The following MGMT variants were observed in gnomAD, a reference collection of about 807,000 sequenced individuals.
The protein encoded by MGMT is O-6-methylguanine-DNA methyltransferase.
Under a neutral mutation model 15.9 loss-of-function variants are expected in MGMT, and 14 were observed. The ratio of observed to expected loss-of-function variants is 0.88; its 90% CI spans 0.58 to 1.37. The LOEUF (loss-of-function observed/expected upper bound fraction) is 1.37. MGMT is among the 40% of genes most tolerant of loss of function. MGMT has a pLI of 0.00. For missense variants in MGMT, 282 were observed against 268.1 expected (o/e 1.05, Z -0.36); for synonymous variants, 130 against 118.2 (o/e 1.10, Z -0.65).
chr10:129,507,644 G>A (rs1845639441), intron 1 of MGMT, among the ~76,000 whole-genome samples: 1 of 152,224 alleles, frequency 6.6e-6, no homozygotes, highest in Non-Finnish European at 1.5e-5. Context: ...GGATTTATGA[G>A]CTGAGCTGTG....
intron 1 of MGMT, among the ~76,000 whole-genome samples, chr10:129,488,487 A>G (rs1017045419): frequency 9.9e-5 from 15 of 152,054 alleles, no homozygotes; most frequent in South Asian, 2.1e-4. Flanking sequence ...ATGTGCTGCA[A>G]TTGTCTTCTC....
At chr10:129,757,187 CAATG>C (rs1478185967) in intron 3 of MGMT, among the ~76,000 whole-genome samples, 12 of 152,164 alleles carry the variant, frequency 7.9e-5, no homozygotes, top group Non-Finnish European at 1.6e-4. Flanking sequence ...GAGAAACTGA[CAATG>C]AAGCTGAACA....
At chr10:129,730,274 G>T (rs1589963056) in intron 3 of MGMT, among the ~76,000 whole-genome samples, 1 of 152,156 alleles carries the variant, frequency 6.6e-6, no homozygotes. Context: ...CCAACAAATG[G>T]AAGACGTGAA....
intron 1 of MGMT, among the ~76,000 whole-genome samples, chr10:129,521,268 G>C (rs766312170): frequency 6.6e-6 from 1 of 152,114 alleles, no homozygotes; most frequent in East Asian, 1.9e-4. Flanking sequence ...GGCTGGACAC[G>C]GGATTTCAAT....
intron 2 of MGMT, among the ~76,000 whole-genome samples, chr10:129,680,132 A>G (rs904500782): frequency 5.3e-5 from 8 of 152,198 alleles, no homozygotes; most frequent in African/African-American, 1.7e-4. Context: ...TCGATTTGTG[A>G]CAGCGATCAC....
At chr10:129,545,069 C>G (rs7084865) in intron 2 of MGMT, among the ~76,000 whole-genome samples, 13,738 of 152,174 alleles carry the variant, frequency 0.09, 825 homozygotes, top group East Asian at 0.31. Flanking sequence ...TCCTTGGGAC[C>G]CCTCTGTGAA....
chr10:129,648,682 C>A (rs530347653), intron 2 of MGMT, among the ~76,000 whole-genome samples: 1 of 151,950 alleles, frequency 6.6e-6, no homozygotes, highest in South Asian at 2.1e-4. Flanking sequence ...CTTTTTTCTT[C>A]TTGCAGTGTT....
At chr10:129,634,424 AT>A (rs1255651279) in intron 2 of MGMT, among the ~76,000 whole-genome samples, 2 of 152,066 alleles carry the variant, frequency 1.3e-5, no homozygotes, top group East Asian at 1.9e-4. Context: ...CTTCAAATAT[AT>A]TTTTTTCCTT....
chr10:129,579,768 G>T (rs750192927), intron 2 of MGMT, among the ~76,000 whole-genome samples: 7 of 152,216 alleles, frequency 4.6e-5, no homozygotes, highest in Non-Finnish European at 1.0e-4. Context: ...TTGAGGTTAT[G>T]AGCTTTGGAG....
chr10:129,646,880 A>G (rs12265758), intron 2 of MGMT, among the ~76,000 whole-genome samples: 73,188 of 149,482 alleles, frequency 0.49, 19,610 homozygotes, highest in African/African-American at 0.7. Flanking sequence ...GGTGAAGGAC[A>G]GGCGTGGCAG....
intron 2 of MGMT, among the ~76,000 whole-genome samples, chr10:129,599,310 G>A (rs1846789832): frequency 6.6e-6 from 1 of 152,176 alleles, no homozygotes; most frequent in African/African-American, 2.4e-5. Context: ...AAAACCTTGA[G>A]GCCACATTCA....
intron 1 of MGMT, among the ~76,000 whole-genome samples, chr10:129,519,890 A>C (rs1845784547): frequency 6.6e-6 from 1 of 152,166 alleles, no homozygotes; most frequent in Non-Finnish European, 1.5e-5. Context: ...ACCATGACTT[A>C]GAAAATTCCA....
chr10:129,695,127 AT>A lies in MGMT; in HGVS notation c.126-12761del, dbSNP rs150234096. Among the ~76,000 whole-genome samples, 22 of 152,202 alleles carry A rather than the reference AT, an allele frequency of 1.4e-4. 1 individual carries two copies. In the South Asian group the frequency reaches 2.5e-3, roughly 17 times the overall value. On this transcript the variant is annotated intron_variant, in intron 2 of 4. Coordinates refer to ENST00000651593, the MANE Select transcript of MGMT (RefSeq NM_002412.5). Reference sequence around the variant, plus strand: ...ACTGTCCATTTAATAGTTGCTGAGGATTTTTTTGGCCACTGATGGATAGTCA... The same window carrying A: ...ACTGTCCATTTAATAGTTGCTGAGGATTTTTTGGCCACTGATGGATAGTCA...
In MGMT at chr10:129,571,734, A is replaced by G. The variant is rs77797064; in HGVS notation, c.125+35357A>G. Among the ~76,000 whole-genome samples the G allele has an allele frequency of 6.7e-3, 1,028 of 152,322 alleles. 9 individuals carry two copies. Among genetic ancestry groups the G allele is most frequent in the African/African-American group, 0.024 (977 of 41,564 alleles). The stretch of plus-strand genomic sequence containing the variant: ...GAAATGTTTTAGGGAACCTTGTCAC[A>G]TGTTATTTCTTTATATTAGAACCGC... On this transcript the variant is annotated intron_variant, in intron 2 of 4. Coordinates refer to ENST00000651593, the MANE Select transcript of MGMT (RefSeq NM_002412.5).
intron 2 of MGMT, among the ~76,000 whole-genome samples, chr10:129,612,809 T>C (rs1202325958): frequency 6.6e-6 from 1 of 152,230 alleles, no homozygotes; most frequent in Non-Finnish European, 1.5e-5. Flanking sequence ...CTGTAAAATA[T>C]TTAAAGAGGT....
chr10:129,710,062 T>A lies in MGMT; in HGVS notation c.274+2019T>A, dbSNP rs147870076. On this transcript the variant is annotated intron_variant, in intron 3 of 4. Transcript: ENST00000651593. ...GGGCCCCTGGGGCTTCTCAGTCAAG[T>A]CCCTAGTGCTTAAGCAGAGTTGGGA... 2.3e-4 allele frequency among the ~76,000 whole-genome samples: 35 copies of A among 152,276 alleles called. No individual in the cohort carries two copies. In the East Asian group the frequency reaches 6.2e-3, roughly 27 times the overall value.
Position 129,481,034 on chromosome 10 carries a change from G to A in MGMT, c.-13+13738G>A, listed in dbSNP as rs150826226. Among the ~76,000 whole-genome samples, 18 of 152,320 alleles carry A rather than the reference G, an allele frequency of 1.2e-4. No individual in the cohort carries two copies. In the East Asian group the frequency reaches 3.3e-3, roughly 28 times the overall value. ...GGTCAAGATTTAGTGAAGTTTGATT[G>A]CTTCCTCAGGGCATTCTGAAGTGAA... On this transcript the variant is annotated intron_variant, in intron 1 of 4. Transcript: ENST00000651593.
rs548976635 is a variant in MGMT, at chr10:129,474,697, C to T, written c.-13+7401C>T. 1.4e-4 allele frequency among the ~76,000 whole-genome samples: 22 copies of T among 152,236 alleles called. 1 individual carries two copies. The South Asian group carries it at 3.5e-3, about 24-fold the overall frequency. On this transcript the variant is annotated intron_variant, in intron 1 of 4. Transcript: ENST00000651593. ...CAACCTGTACGTCCTGCAGGAGTCACGGAATTTTAAAAACCAAACCGTCAG... is the reference window on the plus strand; with the variant it reads ...CAACCTGTACGTCCTGCAGGAGTCATGGAATTTTAAAAACCAAACCGTCAG...
chr10:129,629,308 C>T (rs998361922), intron 2 of MGMT, among the ~76,000 whole-genome samples: 70 of 152,272 alleles, frequency 4.6e-4, no homozygotes, highest in Admixed American at 1.0e-3. Flanking sequence ...GTATTGGCTG[C>T]GATATCTCTG....
Sources: gnomAD v4.1 joint callset for allele counts (sites outside exome capture counted in the v4.1 genomes callset) on GRCh38, gnomAD v4.1.1 for gene constraint, MANE v1.5 for transcripts, NCBI Gene and HGNC (gene_info 2026-07-23, HGNC 2026-07-21) for gene names.